Variants in TNRC6C observed in about 807,000 individuals in gnomAD.
TNRC6C encodes trinucleotide repeat-containing gene 6C protein.
Under a neutral mutation model 153.7 loss-of-function variants are expected in TNRC6C, and 20 were observed. That is an observed-to-expected ratio of 0.13 (90% CI 0.09 to 0.19). The LOEUF is 0.19. Among genes scored for constraint, TNRC6C ranks in the 10% least tolerant of loss-of-function variants. The probability of loss-of-function intolerance (pLI) is 1.00; values close to 1 mark genes in which losing one functional copy is unlikely to be tolerated. For synonymous variants in TNRC6C, 811 were observed against 841.4 expected, an observed-to-expected ratio of 0.96 and a Z score of 0.63; for missense variants, 1,987 against 2,172.0, an observed-to-expected ratio of 0.91 and a Z score of 1.69.
chr17:78,011,237 A>C (rs750143798), intron 1 of TNRC6C, among the ~76,000 whole-genome samples: 2 of 152,226 alleles, frequency 1.3e-5, no homozygotes, highest in African/African-American at 4.8e-5. Flanking sequence ...GAAATAGATA[A>C]GTGTTGGCAT....
At chr17:78,050,677 G>T in exon 3 of TNRC6C, 1 of 1,560,052 alleles carries the variant, frequency 6.4e-7, no homozygotes, top group Non-Finnish European at 8.7e-7. Flanking sequence ...GGTTTGGGGG[G>T]ACTCGATAAG....
intron 1 of TNRC6C, among the ~76,000 whole-genome samples, chr17:77,985,495 G>A (rs968962386): frequency 5.3e-5 from 8 of 151,658 alleles, no homozygotes; most frequent in East Asian, 1.9e-4. Context: ...CCAGCTACTC[G>A]GGAGGCTGAG....
chr17:78,082,548 CT>C (rs2073200638), intron 10 of TNRC6C, among the ~76,000 whole-genome samples: 1 of 152,162 alleles, frequency 6.6e-6, no homozygotes, highest in Non-Finnish European at 1.5e-5. Context: ...AACTAGATAA[CT>C]GTTTAGACCA....
chr17:78,052,180 G>C (rs1305473523), intron 3 of TNRC6C, among the ~76,000 whole-genome samples: 1 of 152,212 alleles, frequency 6.6e-6, no homozygotes, highest in Non-Finnish European at 1.5e-5. Context: ...CACCTTCTGG[G>C]GTTCTTTTCT....
At chr17:78,046,817 C>T (rs575031206) in intron 2 of TNRC6C, among the ~76,000 whole-genome samples, 1 of 152,286 alleles carries the variant, frequency 6.6e-6, no homozygotes, top group Non-Finnish European at 1.5e-5. Flanking sequence ...CATTTATTAG[C>T]CACCAGCTTA....
At chr17:77,990,007 A>G (rs2071225573) in intron 1 of TNRC6C, among the ~76,000 whole-genome samples, 1 of 152,184 alleles carries the variant, frequency 6.6e-6, no homozygotes, top group East Asian at 1.9e-4. Flanking sequence ...TAATGTTTCA[A>G]GCATCTCAAA....
chr17:77,975,106 AT>A, intron 1 of TNRC6C, among the ~76,000 whole-genome samples: 1 of 152,212 alleles, frequency 6.6e-6, no homozygotes, highest in Non-Finnish European at 1.5e-5. Context: ...TTTAAGTCTC[AT>A]GTATGGGGGG....
chr17:78,063,295 T>C (rs892938502), intron 3 of TNRC6C, among the ~76,000 whole-genome samples: 2 of 150,056 alleles, frequency 1.3e-5, no homozygotes, highest in Admixed American at 1.3e-4. Context: ...TAATTTTAAT[T>C]GTAAGGAGAA....
At chr17:78,069,816 G>A (rs551688096) in intron 5 of TNRC6C, among the ~76,000 whole-genome samples, 3 of 152,286 alleles carry the variant, frequency 2.0e-5, no homozygotes, top group South Asian at 2.1e-4. Flanking sequence ...ATTTTGTGGG[G>A]TAGGAGGAAG....
intron 13 of TNRC6C, among the ~76,000 whole-genome samples, chr17:78,087,467 G>T (rs556424117): frequency 7.0e-6 from 1 of 142,492 alleles, no homozygotes; most frequent in African/African-American, 2.7e-5. Flanking sequence ...TATAGAGCAG[G>T]AGTTTTGCCG....
At chr17:77,959,093 C>G (rs1218773532), upstream of TNRC6C, 1 of 146,788 alleles carries the variant, frequency 6.8e-6, no homozygotes, top group Admixed American at 6.8e-5. Flanking sequence ...GCGCCGCCGC[C>G]GCAGCCGCCG....
Position 78,086,836 on chromosome 17 carries a change from A to G in TNRC6C, c.3562-17A>G, listed in dbSNP as rs759334342. The G allele has an allele frequency of 5.0e-6, 8 of 1,609,690 alleles. No individual in the cohort carries two copies. Among genetic ancestry groups the G allele is most frequent in the South Asian group, 2.2e-5 (2 of 90,812 alleles). ...CCCTTCCCACCTAGTTAACGCACCT[A>G]TGTCTCTGCCTGCCAGGTTGCGCGC... On this transcript the variant is annotated splice_polypyrimidine_tract_variant and intron_variant, in intron 12 of 19. Coordinates refer to ENST00000301624, the Ensembl canonical transcript of TNRC6C.
At chr17:78,010,866 G>A (rs909621539) in intron 1 of TNRC6C, among the ~76,000 whole-genome samples, 5 of 152,182 alleles carry the variant, frequency 3.3e-5, no homozygotes, top group African/African-American at 9.7e-5. Context: ...GGGTAAAAAT[G>A]TATTGCCAGA....
At chr17:78,097,180 C>T (rs1285117578) in intron 16 of TNRC6C, among the ~76,000 whole-genome samples, 1 of 152,170 alleles carries the variant, frequency 6.6e-6, no homozygotes, top group Non-Finnish European at 1.5e-5. Context: ...TGCCTGTGAA[C>T]AGCCACTGTG....
At chr17:78,003,874 G>A (rs1401633580), upstream of TNRC6C, among the ~76,000 whole-genome samples, 1 of 152,160 alleles carries the variant, frequency 6.6e-6, no homozygotes, top group Non-Finnish European at 1.5e-5. Flanking sequence ...ACCAGACTAG[G>A]GGCTGGACTG....
chr17:78,001,576 G>A (rs1223793267), upstream of TNRC6C, among the ~76,000 whole-genome samples: 4 of 152,216 alleles, frequency 2.6e-5, no homozygotes, highest in Non-Finnish European at 4.4e-5. Flanking sequence ...TAGGGGGAGG[G>A]AGAGAGAAGG....
intron 17 of TNRC6C, among the ~76,000 whole-genome samples, chr17:78,098,843 C>T (rs377315255): frequency 1.3e-5 from 2 of 152,282 alleles, no homozygotes; most frequent in African/African-American, 4.8e-5. Context: ...AGTGTGGCTG[C>T]CCCACACTGG....
intron 3 of TNRC6C, 32 bp downstream of exon 5, chr17:78,051,480 T>TAAA (rs201980311): frequency 1.9e-4 from 219 of 1,132,358 alleles, no homozygotes; most frequent in Middle Eastern, 5.7e-4. Context: ...TCTTTACAAG[T>TAAA]AAAAAAAAAA....
At chr17:78,054,791 A>T (rs2072616144) in intron 3 of TNRC6C, among the ~76,000 whole-genome samples, 1 of 152,064 alleles carries the variant, frequency 6.6e-6, no homozygotes, top group Non-Finnish European at 1.5e-5. Flanking sequence ...ACTGCAGACT[A>T]CTGTACACTA....
Sources: allele counts gnomAD v4.1 joint callset (sites outside exome capture counted in the v4.1 genomes callset), GRCh38; gene constraint gnomAD v4.1.1; transcripts MANE v1.5; gene names NCBI Gene and HGNC (gene_info 2026-07-23, HGNC 2026-07-21).